Variants in ZNF544 observed in about 807,000 individuals in gnomAD.
ZNF544 encodes zinc finger protein AF020591.
In ZNF544, 10 loss-of-function variants were observed where a neutral mutation model predicts 13.5. The ratio of observed to expected loss-of-function variants is 0.74; its 90% confidence interval spans 0.46 to 1.25. The LOEUF is 1.25. ZNF544 is among the 50% of genes most tolerant of loss of function. ZNF544 has a pLI of 0.00. For synonymous variants in ZNF544, 323 were observed against 300.5 expected (o/e 1.07, Z -0.77); for missense variants, 896 against 845.6 (o/e 1.06, Z -0.74).
chr19:58,272,773 A>G, intron 5 of ZNF544, among the ~76,000 whole-genome samples: 1 of 151,186 alleles, frequency 6.6e-6, no homozygotes, highest in Non-Finnish European at 1.5e-5. Flanking sequence ...AGGCTGAGGC[A>G]GGAGAATTGC....
chr19:58,260,845 T>C lies in ZNF544; in HGVS notation c.245-6T>C, dbSNP rs768348261. ...CAGTAACTTAGGCATTTTGGATTTC[T>C]TTCAGACTGGAAAGCTACCCTTGAG... is the stretch of plus-strand genomic sequence containing the variant. On this transcript the variant is annotated splice_polypyrimidine_tract_variant and splice_region_variant and intron_variant, in intron 6 of 6. Coordinates refer to ENST00000687789, the MANE Select transcript of ZNF544 (RefSeq NM_014480.4). The C allele has an allele frequency of 6.4e-7, 1 of 1,572,306 alleles. No individual in the cohort carries two copies. The highest frequency in any genetic ancestry group is 1.2e-5 in the South Asian group (1 of 84,644).
At chr19:58,251,838 C>G (rs1213636484) in intron 6 of ZNF544, among the ~76,000 whole-genome samples, 1 of 152,112 alleles carries the variant, frequency 6.6e-6, no homozygotes, top group African/African-American at 2.4e-5. Flanking sequence ...TAGCTAAGCT[C>G]TTTCCACTTT....
intron 3 of ZNF544, among the ~76,000 whole-genome samples, chr19:58,238,842 T>TC (rs1428891936): frequency 1.3e-5 from 2 of 149,932 alleles, no homozygotes; most frequent in African/African-American, 4.9e-5. Context: ...GATATGGCCA[T>TC]CATTCAACCC....
chr19:58,244,462 C>G (rs1193611687), intron 4 of ZNF544, among the ~76,000 whole-genome samples: 1 of 152,098 alleles, frequency 6.6e-6, no homozygotes, highest in Non-Finnish European at 1.5e-5. Flanking sequence ...GCAGAGTCCC[C>G]TGTAAATGGT....
At chr19:58,266,161 G>A (rs1326732255), downstream of ZNF544, among the ~76,000 whole-genome samples, 1 of 134,996 alleles carries the variant, frequency 7.4e-6, no homozygotes, top group Non-Finnish European at 1.5e-5. Flanking sequence ...AGCCGAGACT[G>A]CGCCGTTGAA....
In ZNF544 at chr19:58,270,737, TGGGGAAAGTAGTAGTGGAGAGTAGAG is replaced by T. The variant is rs1422404636; in HGVS notation, c.245-5584_245-5559del. On this transcript the variant is annotated intron_variant, in intron 5 of 6. Coordinates refer to the ZNF544 transcript ENST00000595981. ...CCACCTGCAGATGTGGGAGAGTAGA[TGGGGAAAGTAGTAGTGGAGAGTAGAG>T]GTTTCCCTTACCATCCTTTTAGGAA... Among the ~76,000 whole-genome samples, 3 of 152,300 alleles carry T rather than the reference TGGGGAAAGTAGTAGTGGAGAGTAGAG, an allele frequency of 2.0e-5. No individual in the cohort carries two copies. In the East Asian group the frequency reaches 5.8e-4, roughly 29 times the overall value.
At chr19:58,248,273 CTTTTTTTTTTT>C (rs34774786) in intron 6 of ZNF544, among the ~76,000 whole-genome samples, 2 of 108,516 alleles carry the variant, frequency 1.8e-5, no homozygotes, top group African/African-American at 7.3e-5. Flanking sequence ...TTTTTTTTTT[CTTTTTTTTTTT>C]TTTTTTTTGA....
chr19:58,232,783 A>C (rs951772468), intron 3 of ZNF544, among the ~76,000 whole-genome samples: 2 of 139,394 alleles, frequency 1.4e-5, no homozygotes, highest in African/African-American at 5.3e-5. Context: ...AAAAAAAAAA[A>C]AAAAATACAA....
At chr19:58,241,666 T>G (rs2043902030) in intron 3 of ZNF544, among the ~76,000 whole-genome samples, 1 of 151,968 alleles carries the variant, frequency 6.6e-6, no homozygotes, top group Non-Finnish European at 1.5e-5. Context: ...CGGCTAATTT[T>G]TTTGTATTTT....
exon 7 of ZNF544, chr19:58,277,448 T>A: frequency 2.5e-6 from 1 of 399,640 alleles, no homozygotes; most frequent in Non-Finnish European, 4.4e-6. Context: ...AACTATACTG[T>A]TCCCTGCTAT....
At chr19:58,264,710 C>A (rs1263937464), downstream of ZNF544, among the ~76,000 whole-genome samples, 1 of 148,164 alleles carries the variant, frequency 6.7e-6, no homozygotes, top group Non-Finnish European at 1.5e-5. Context: ...AACAAACAAA[C>A]AAAAAACCCT....
chr19:58,248,841 G>A (rs2045837410), intron 6 of ZNF544, among the ~76,000 whole-genome samples: 1 of 152,244 alleles, frequency 6.6e-6, no homozygotes, highest in Non-Finnish European at 1.5e-5. Flanking sequence ...CAGCTCAAGA[G>A]CACTGGTTAC....
chr19:58,242,388 A>ATTTT, intron 3 of ZNF544: 1 of 537,494 alleles, frequency 1.9e-6, no homozygotes, highest in Non-Finnish European at 2.4e-6. Context: ...ATTCCAGGGA[A>ATTTT]TTTTTTTTTT....
chr19:58,246,608 T>C, intron 5 of ZNF544, 103 bp from the exon 6 acceptor site: 2 of 1,478,326 alleles, frequency 1.4e-6, no homozygotes, highest in South Asian at 1.2e-5. Context: ...GTCCTAACAG[T>C]GGGGAGTTTC....
chr19:58,265,282 A>ATATTTTTT (rs2049716044), downstream of ZNF544, among the ~76,000 whole-genome samples: 1 of 147,346 alleles, frequency 6.8e-6, no homozygotes, highest in African/African-American at 2.5e-5. Context: ...CCATGTCTGC[A>ATATTTTTT]TATTTATTTA....
chr19:58,265,457 G>C (rs976719773), downstream of ZNF544, among the ~76,000 whole-genome samples: 2 of 152,048 alleles, frequency 1.3e-5, no homozygotes, highest in African/African-American at 4.8e-5. Flanking sequence ...CACCACGTCT[G>C]TCTAATTTTT....
intron 6 of ZNF544, among the ~76,000 whole-genome samples, chr19:58,252,130 G>T (rs940637937): frequency 9.2e-5 from 14 of 152,148 alleles, no homozygotes; most frequent in African/African-American, 3.4e-4. Flanking sequence ...AGGTCTAATT[G>T]CCAGTCTTCC....
At position 58,261,995 on chromosome 19, in the gene ZNF544, G is replaced by A. The variant is rs371648270; in HGVS notation, c.1389G>A (p.Pro463=). ...VHQRIHTGEK[P]YECTHCGKSF... The stretch of plus-strand genomic sequence containing the variant: ...AGAGAATTCATACTGGAGAGAAACC[G>A]TATGAGTGCACTCACTGTGGAAAGT... Residue 463 remains proline (P), a synonymous_variant, in exon 7 of 7, where the codon CCG becomes CCA. Coordinates refer to ENST00000687789, the MANE Select transcript of ZNF544 (RefSeq NM_014480.4). 3.8e-5 allele frequency: 62 copies of A among 1,613,486 alleles called. No homozygotes were observed. The highest frequency in any genetic ancestry group is 2.7e-4 in the Admixed American group (16 of 59,934).
intron 5 of ZNF544, among the ~76,000 whole-genome samples, chr19:58,273,408 A>G (rs1435183439): frequency 6.6e-6 from 1 of 152,056 alleles, no homozygotes; most frequent in Non-Finnish European, 1.5e-5. Flanking sequence ...CCTAAAGCCT[A>G]GGCCGGGAAC....
Sources: gnomAD v4.1 joint callset for allele counts (sites outside exome capture counted in the v4.1 genomes callset) on GRCh38, gnomAD v4.1.1 for gene constraint, MANE v1.5 for transcripts, NCBI Gene and HGNC (gene_info 2026-07-23, HGNC 2026-07-21) for gene names.